Variants in KCNS3 observed in about 807,000 individuals in gnomAD.
The protein encoded by KCNS3 is delayed-rectifier potassium channel regulatory subunit KCNS3.
KCNS3 carries 13 observed loss-of-function variants against 31.0 expected under a neutral mutation model. The observed-to-expected ratio is 0.42, with a 90% CI of 0.27 to 0.67. The LOEUF (loss-of-function observed/expected upper bound fraction) is 0.67, where lower values mean the gene tolerates loss of function less well. Among genes scored for constraint, KCNS3 ranks in the 30% least tolerant of loss-of-function variants. The pLI, the probability that KCNS3 is intolerant of heterozygous loss-of-function variation, is 0.25. For synonymous variants in KCNS3, 238 were observed against 241.5 expected, an observed-to-expected ratio of 0.99 and a Z score of 0.13; for missense variants, 545 against 622.4, an observed-to-expected ratio of 0.88 and a Z score of 1.32.
Position 17,890,576 on chromosome 2 carries a change from T to C in KCNS3, c.-252+11770T>C, listed in dbSNP as rs535924157. Among the ~76,000 whole-genome samples the C allele has an allele frequency of 2.0e-5, 3 of 152,302 alleles. No homozygotes were observed. In the East Asian group the frequency reaches 5.8e-4, roughly 29 times the overall value. ...GGTAGGCACTTAGGGCTATGAACTT[T>C]CCTCTTAACACTGCCTTTGCTGTAT... On this transcript the variant is annotated intron_variant, in intron 1 of 2. Transcript: ENST00000304101.
intron 1 of KCNS3, among the ~76,000 whole-genome samples, chr2:17,885,770 A>G (rs1661641310): frequency 1.3e-5 from 2 of 152,306 alleles, no homozygotes; most frequent in Admixed American, 1.3e-4. Flanking sequence ...CTTCCAAAAT[A>G]CCCTCACAGA....
At chr2:17,907,426 G>C (rs1662352760) in intron 1 of KCNS3, among the ~76,000 whole-genome samples, 1 of 152,148 alleles carries the variant, frequency 6.6e-6, no homozygotes, top group African/African-American at 2.4e-5. Context: ...TTGCCAGTCT[G>C]TGTCTTTTAA....
intron 1 of KCNS3, among the ~76,000 whole-genome samples, chr2:17,908,923 A>T (rs1280229924): frequency 6.6e-6 from 1 of 152,174 alleles, no homozygotes; most frequent in Non-Finnish European, 1.5e-5. Flanking sequence ...TCACTTGAGG[A>T]GGCAGTCTGT....
intron 1 of KCNS3, among the ~76,000 whole-genome samples, chr2:17,893,843 T>C (rs1325122306): frequency 1.3e-5 from 2 of 151,790 alleles, no homozygotes; most frequent in Non-Finnish European, 2.9e-5. Flanking sequence ...TGATTTGTTC[T>C]TGCAGCCAAT....
At position 17,921,784 on chromosome 2, in the gene KCNS3, A is replaced by G. The variant is rs537789756; in HGVS notation, c.-60+3913A>G. Reference sequence around the variant, plus strand: ...AGGGGAAGTCTGCCCCCATGATTCAATCACCTCCCACCAGGCCCCTCCCCT... The same window carrying G: ...AGGGGAAGTCTGCCCCCATGATTCAGTCACCTCCCACCAGGCCCCTCCCCT... On this transcript the variant is annotated intron_variant, in intron 2 of 2. Coordinates refer to ENST00000304101, the MANE Select transcript of KCNS3 (RefSeq NM_002252.5). Among the ~76,000 whole-genome samples the G allele has an allele frequency of 6.6e-5, 10 of 151,460 alleles. No homozygotes were observed. The South Asian group carries it at 1.9e-3, about 28-fold the overall frequency.
At position 17,932,356 on chromosome 2, in the gene KCNS3, A is replaced by G. The variant is rs4832524; in HGVS notation, c.1348A>G (p.Thr450Ala). ...GGATATATATGCACAGCGGATGCAC[A>G]CCTTCATTACCAGTCTCTCTTCTGT... ...IRDIYAQRMH[T>A]FITSLSSVGI... The change falls in exon 3 of 3, where the codon ACC (threonine) becomes GCC (alanine). Residue 450 changes from threonine (T) to alanine (A), a missense_variant. Transcript: ENST00000304101. 0.66 allele frequency: 1,061,224 copies of G among 1,613,524 alleles called. 355,517 individuals carry two copies. Among genetic ancestry groups the G allele is most frequent in the East Asian group, 0.98 (44,063 of 44,868 alleles).
At chr2:17,922,565 G>A (rs1476551180) in intron 2 of KCNS3, among the ~76,000 whole-genome samples, 3 of 152,196 alleles carry the variant, frequency 2.0e-5, no homozygotes, top group Non-Finnish European at 2.9e-5. Flanking sequence ...GTTTAATGCA[G>A]TGGTTCTTGG....
chr2:17,932,033 T>C lies in KCNS3; in HGVS notation c.1025T>C (p.Ile342Thr). Reference sequence around the variant, plus strand: ...GGCATTTCCATTTTCTCTGTGCTTATCTACTCCGTGGAGAAAGATGACCAC... The same window carrying C: ...GGCATTTCCATTTTCTCTGTGCTTACCTACTCCGTGGAGAAAGATGACCAC... Reference protein sequence around the residue: ...SVGISIFSVLIYSVEKDDHTS... With the variant: ...SVGISIFSVLTYSVEKDDHTS... The change falls in exon 3 of 3, where the codon ATC becomes ACC. Residue 342 changes from isoleucine (I) to threonine (T), a missense_variant. By Grantham distance (89) the Ile-to-Thr change is moderately conservative (BLOSUM62 -1). Coordinates refer to ENST00000304101, the MANE Select transcript of KCNS3 (RefSeq NM_002252.5). The C allele has an allele frequency of 6.2e-7, 1 of 1,614,166 alleles. No homozygotes were observed. Among genetic ancestry groups the C allele is most frequent in the South Asian group, 1.1e-5 (1 of 91,082 alleles).
intron 1 of KCNS3, among the ~76,000 whole-genome samples, chr2:17,882,430 G>A (rs1312743615): frequency 6.6e-6 from 1 of 152,188 alleles, no homozygotes; most frequent in African/African-American, 2.4e-5. Context: ...CCTTGAACTT[G>A]GACACAGTCA....
At chr2:17,884,268 A>AAATAT (rs1459540269) in intron 1 of KCNS3, among the ~76,000 whole-genome samples, 68 of 46,654 alleles carry the variant, frequency 1.5e-3, no homozygotes, top group Non-Finnish European at 1.8e-3. Flanking sequence ...AAAAAAAAAA[A>AAATAT]ATATATATAT....
intron 1 of KCNS3, among the ~76,000 whole-genome samples, chr2:17,888,627 AT>A (rs1226798428): frequency 0.26 from 14,604 of 56,894 alleles, 1,188 homozygotes; most frequent in Non-Finnish European, 0.29. Flanking sequence ...AATAAAAAAA[AT>A]GTATATATAT....
intron 2 of KCNS3, among the ~76,000 whole-genome samples, chr2:17,923,318 C>CT (rs1662764518): frequency 6.6e-6 from 1 of 151,870 alleles, no homozygotes; most frequent in South Asian, 2.1e-4. Context: ...GTTTATTTGT[C>CT]TTTTTATTAT....
chr2:17,890,935 A>C (rs1661838774), intron 1 of KCNS3, among the ~76,000 whole-genome samples: 1 of 152,172 alleles, frequency 6.6e-6, no homozygotes, highest in African/African-American at 2.4e-5. Context: ...ATATCTGTTA[A>C]GTCCATTTGT....
rs548285096 is a variant in KCNS3, at chr2:17,916,071, G to A, written c.-251-1609G>A. Among the ~76,000 whole-genome samples the A allele has an allele frequency of 1.4e-4, 22 of 152,276 alleles. No individual in the cohort carries two copies. The East Asian group carries it at 4.0e-3, about 28-fold the overall frequency. The stretch of plus-strand genomic sequence containing the variant: ...TAAGCCAGTGCAATGAACTTTAGGC[G>A]GTGCTTGGGGATACTTAGAAATGCT... On this transcript the variant is annotated intron_variant, in intron 1 of 2. Coordinates refer to ENST00000304101, the MANE Select transcript of KCNS3 (RefSeq NM_002252.5).
At chr2:17,900,674 G>A (rs1212638501) in intron 1 of KCNS3, among the ~76,000 whole-genome samples, 3 of 151,988 alleles carry the variant, frequency 2.0e-5, no homozygotes, top group Non-Finnish European at 2.9e-5. Flanking sequence ...ATTTTTAGTA[G>A]AGACAGGGTT....
chr2:17,919,005 C>T (rs1662653816), intron 2 of KCNS3, among the ~76,000 whole-genome samples: 1 of 152,232 alleles, frequency 6.6e-6, no homozygotes, highest in Non-Finnish European at 1.5e-5. Context: ...CTAGGGGCCC[C>T]TCTTGTGGTA....
At chr2:17,896,510 C>T (rs1317725251) in intron 1 of KCNS3, among the ~76,000 whole-genome samples, 2 of 151,650 alleles carry the variant, frequency 1.3e-5, no homozygotes, top group South Asian at 2.1e-4. Context: ...TGGTTTTGTT[C>T]CTTGATGGCT....
chr2:17,925,116 A>G (rs983602755), intron 2 of KCNS3, among the ~76,000 whole-genome samples: 1 of 152,120 alleles, frequency 6.6e-6, no homozygotes, highest in Non-Finnish European at 1.5e-5. Context: ...AGCCCTCTTG[A>G]CTATCTGAAT....
chr2:17,929,517 C>A (rs1362694142), intron 2 of KCNS3, among the ~76,000 whole-genome samples: 2 of 152,188 alleles, frequency 1.3e-5, no homozygotes, highest in African/African-American at 4.8e-5. Context: ...GATCCAATCA[C>A]CTCCCACCAG....
Sources: gnomAD v4.1 joint callset for allele counts (sites outside exome capture counted in the v4.1 genomes callset) on GRCh38, gnomAD v4.1.1 for gene constraint, MANE v1.5 for transcripts, NCBI Gene and HGNC (gene_info 2026-07-23, HGNC 2026-07-21) for gene names.